CFAP20DC: variants seen among roughly 807,000 people sequenced by gnomAD.
The protein encoded by CFAP20DC is CFAP20 domain containing.
In CFAP20DC, 84 loss-of-function variants were observed where a neutral mutation model predicts 101.7. The ratio of observed to expected loss-of-function variants is 0.83; its 90% CI spans 0.69 to 0.99. CFAP20DC has a LOEUF of 0.99. Ranked by LOEUF, CFAP20DC falls within the 50% of genes least tolerant of loss-of-function variation. CFAP20DC has a pLI of 0.00. For missense variants in CFAP20DC, 1,007 were observed against 970.3 expected (o/e 1.04, Z -0.50); for synonymous variants, 359 against 351.2 (o/e 1.02, Z -0.25).
chr3:58,751,952 G>A (rs1325715068), intron 16 of CFAP20DC, among the ~76,000 whole-genome samples: 2 of 152,012 alleles, frequency 1.3e-5, no homozygotes, highest in East Asian at 3.9e-4. Flanking sequence ...ATGGTGTCGT[G>A]CAACAAGAAC....
Position 58,863,773 on chromosome 3 carries a change from CT to C in CFAP20DC, c.1377del (p.Glu460ArgfsTer47). 1 of 1,614,206 alleles carries C rather than the reference CT, an allele frequency of 6.2e-7. No homozygotes were observed. Among genetic ancestry groups the C allele is most frequent in the Non-Finnish European group, 8.5e-7 (1 of 1,180,050 alleles). On this transcript the variant is annotated frameshift_variant, in exon 12 of 17. Transcript: ENST00000482387. LOFTEE classifies it high-confidence loss of function. The surrounding 1 kb of genome is among the most constrained non-coding windows in gnomAD (Gnocchi z 5.9). ...TCTGCCTGCTGGTCGTGTTCACTCT[CT>C]TTGCTGGCTTCCAGCCACAGGTGTG... is the stretch of plus-strand genomic sequence containing the variant. ...NPSHLWLEAS[K>X]ESEHDQQAEE...
chr3:58,826,638 T>C (rs897755571), intron 14 of CFAP20DC, among the ~76,000 whole-genome samples: 1 of 152,162 alleles, frequency 6.6e-6, no homozygotes, highest in Admixed American at 6.5e-5. Context: ...CCTAAACTCA[T>C]CCGTAAACAA....
At chr3:59,047,317 G>A in intron 1 of CFAP20DC, 63 bp from the exon 2 acceptor site, 1 of 1,087,198 alleles carries the variant, frequency 9.2e-7, no homozygotes, top group South Asian at 1.4e-5. Context: ...CCACCACATA[G>A]TCTATAACCA....
chr3:58,923,568 A>T lies in CFAP20DC; in HGVS notation c.394-9704T>A, dbSNP rs536309181. Among the ~76,000 whole-genome samples, 78 of 152,280 alleles carry T rather than the reference A, an allele frequency of 5.1e-4. 1 individual carries two copies. The highest frequency in any genetic ancestry group is 1.8e-3 in the African/African-American group (76 of 41,562). On this transcript the variant is annotated intron_variant, in intron 5 of 16. Transcript: ENST00000482387. ...TTCCATTATCTTCTTATTTTATGACAGGAAGTTTATGATGGGAAGTTGGTA... is the reference window on the plus strand; with the variant it reads ...TTCCATTATCTTCTTATTTTATGACTGGAAGTTTATGATGGGAAGTTGGTA...
chr3:58,890,348 G>C, intron 6 of CFAP20DC, among the ~76,000 whole-genome samples: 1 of 143,502 alleles, frequency 7.0e-6, no homozygotes, highest in Non-Finnish European at 1.5e-5. Flanking sequence ...GCGGCTGGCC[G>C]GGCAGAGGGG....
intron 15 of CFAP20DC, among the ~76,000 whole-genome samples, chr3:58,759,589 T>C (rs1484232105): frequency 6.6e-6 from 1 of 152,232 alleles, no homozygotes; most frequent in Non-Finnish European, 1.5e-5. Flanking sequence ...TTTTGGTGTT[T>C]TAGACATGAA....
chr3:58,825,330 C>T (rs1411697601), intron 14 of CFAP20DC, among the ~76,000 whole-genome samples: 3 of 152,068 alleles, frequency 2.0e-5, no homozygotes, highest in East Asian at 1.9e-4. Flanking sequence ...TGCTAAGCAC[C>T]AGGCACATGC....
intron 15 of CFAP20DC, chr3:58,794,279 G>A: frequency 2.2e-6 from 1 of 448,796 alleles, no homozygotes; most frequent in South Asian, 1.6e-5. Context: ...TTCTTGTCCT[G>A]AGCACCAAAT....
At chr3:58,740,374 C>T (rs1334564270), downstream of CFAP20DC, among the ~76,000 whole-genome samples, 1 of 152,082 alleles carries the variant, frequency 6.6e-6, no homozygotes, top group African/African-American at 2.4e-5. This position sits in a 1 kb window ranked among gnomAD's most constrained non-coding sequence, Gnocchi z 4.6. Context: ...TTAATCCTAC[C>T]ATCCTCTTGC....
Position 58,817,781 on chromosome 3 carries a change from T to C in CFAP20DC, c.2176-11325A>G, listed in dbSNP as rs1400196537. Among the ~76,000 whole-genome samples, 129 of 152,074 alleles carry C rather than the reference T, an allele frequency of 8.5e-4. 1 individual carries two copies. Among genetic ancestry groups the C allele is most frequent in the Non-Finnish European group, 1.5e-3 (100 of 68,002 alleles). On this transcript the variant is annotated intron_variant, in intron 14 of 16. Transcript: ENST00000482387. ...CAGGCCAACGTTCAGATTCAGGAAA[T>C]ACAGAGAATGCCACAAAGATACTCC... is the stretch of plus-strand genomic sequence containing the variant.
intron 11 of CFAP20DC, 75 bp downstream of exon 11, chr3:58,866,491 T>A: frequency 7.8e-7 from 1 of 1,281,170 alleles, no homozygotes; most frequent in East Asian, 2.6e-5. Flanking sequence ...CTTTTCAAAA[T>A]GACTGGATTT....
chr3:58,766,917 GAC>G (rs1254665364), intron 15 of CFAP20DC, among the ~76,000 whole-genome samples: 1 of 152,200 alleles, frequency 6.6e-6, no homozygotes, highest in Non-Finnish European at 1.5e-5. Flanking sequence ...AATCTTCGCT[GAC>G]ATCCCCTCTT....
chr3:58,884,482 G>A (rs530324248), intron 7 of CFAP20DC, 63 bp downstream of exon 7: 2 of 1,496,712 alleles, frequency 1.3e-6, no homozygotes, highest in African/African-American at 1.4e-5. Flanking sequence ...TTTGGAGGAA[G>A]TCACACTTTA....
chr3:58,854,156 T>C (rs2078532421), intron 12 of CFAP20DC, among the ~76,000 whole-genome samples: 1 of 152,010 alleles, frequency 6.6e-6, no homozygotes, highest in Non-Finnish European at 1.5e-5. Flanking sequence ...ACAAAATCAA[T>C]GTACAAAAAT....
chr3:59,044,377 G>A (rs1479186856), intron 3 of CFAP20DC, among the ~76,000 whole-genome samples: 1 of 151,988 alleles, frequency 6.6e-6, no homozygotes, highest in Non-Finnish European at 1.5e-5. Flanking sequence ...TAACCTTAAA[G>A]GCATCAGTGC....
intron 3 of CFAP20DC, among the ~76,000 whole-genome samples, chr3:59,042,149 C>A (rs1334899004): frequency 2.0e-5 from 3 of 151,828 alleles, no homozygotes; most frequent in East Asian, 3.9e-4. Context: ...ACTGGGCAAG[C>A]GGGATGGGTG....
chr3:58,994,998 C>T (rs575059231), intron 4 of CFAP20DC, among the ~76,000 whole-genome samples: 7 of 152,224 alleles, frequency 4.6e-5, no homozygotes, highest in Admixed American at 1.3e-4. Context: ...TAATCCAATT[C>T]GCTCCTAGGA....
At chr3:58,945,547 T>G (rs1471104494) in intron 4 of CFAP20DC, among the ~76,000 whole-genome samples, 1 of 152,236 alleles carries the variant, frequency 6.6e-6, no homozygotes, top group Non-Finnish European at 1.5e-5. Context: ...CTCCTGGGGG[T>G]AACCTCATAC....
intron 4 of CFAP20DC, among the ~76,000 whole-genome samples, chr3:58,995,980 ATCTATCT>A (rs2093113371): frequency 5.2e-5 from 7 of 133,818 alleles, no homozygotes; most frequent in South Asian, 2.2e-4. Context: ...TAATAAATCT[ATCTATCT>A]ATCTATCTAT....
Sources: allele counts gnomAD v4.1 joint callset (sites outside exome capture counted in the v4.1 genomes callset), GRCh38; gene constraint gnomAD v4.1.1; non-coding constraint Gnocchi (gnomAD v3.1); transcripts MANE v1.5; gene names NCBI Gene and HGNC (gene_info 2026-07-23, HGNC 2026-07-21).